The following CYP26B1 variants were observed in gnomAD, a reference collection of about 807,000 sequenced individuals.
CYP26B1 encodes cytochrome P450 family 26 subfamily B member 1, also known as cytochrome P450 26B1.
A neutral mutation model predicts 39.1 loss-of-function variants in CYP26B1; 8 were observed. The ratio of observed to expected loss-of-function variants is 0.20; its 90% CI spans 0.12 to 0.37. CYP26B1 has a LOEUF of 0.37. Ranked by LOEUF, CYP26B1 falls within the 10% of genes least tolerant of loss-of-function variation. The pLI, the probability that CYP26B1 is intolerant of heterozygous loss-of-function variation, is 1.00. For synonymous variants in CYP26B1, 321 were observed against 314.3 expected (o/e 1.02, Z -0.23); for missense variants, 615 against 707.0 (o/e 0.87, Z 1.48).
intron 1 of CYP26B1, among the ~76,000 whole-genome samples, chr2:72,146,724 T>A (rs115919962): frequency 0.011 from 1,722 of 152,302 alleles, 38 homozygotes; most frequent in African/African-American, 0.039. Context: ...CCGCAGTTAC[T>A]GCAGAGGCGC....
At chr2:72,139,997 C>T (rs1454066473) in intron 2 of CYP26B1, among the ~76,000 whole-genome samples, 1 of 152,244 alleles carries the variant, frequency 6.6e-6, no homozygotes, top group Non-Finnish European at 1.5e-5. Flanking sequence ...CCTGCAGCTG[C>T]TTCCTTTTAG....
rs1168777936 is a variant in CYP26B1, at chr2:72,132,632, G to A, written c.1147-13C>T. 1.9e-6 allele frequency: 3 copies of A among 1,587,980 alleles called. No individual in the cohort carries two copies. The highest frequency in any genetic ancestry group is 2.3e-5 in the East Asian group (1 of 43,904). On this transcript the variant is annotated splice_polypyrimidine_tract_variant and intron_variant, in intron 5 of 5. Coordinates refer to ENST00000001146, the MANE Select transcript of CYP26B1 (RefSeq NM_019885.4). ...GGATCTGGAAACCCTGGAGCAAGAT[G>A]GGGGCCGAGGAGTGGGTGGTGAGAG...
rs202200784 is a variant in CYP26B1 at position 72,132,257 on chromosome 2, C to A, written c.1509G>T (p.Glu503Asp). The A allele has an allele frequency of 6.6e-5, 106 of 1,604,198 alleles. No homozygotes were observed. The highest frequency in any genetic ancestry group is 8.6e-5 in the Non-Finnish European group (101 of 1,175,796). Residue 503 changes from glutamate (E) to aspartate (D), a missense_variant, in exon 6 of 6, where the codon GAG becomes GAT. Coordinates refer to ENST00000001146, the MANE Select transcript of CYP26B1 (RefSeq NM_019885.4). ...CTGTGGCGCTCAGCATGGCCTCCGT[C>A]TCCGGCAGGATCTCGTTCTGGTTGG... Reference protein sequence around the residue: ...LDSNQNEILPETEAMLSATV With the variant: ...LDSNQNEILPDTEAMLSATV
At chr2:72,138,468 G>T (rs555168285) in intron 2 of CYP26B1, among the ~76,000 whole-genome samples, 5 of 152,224 alleles carry the variant, frequency 3.3e-5, no homozygotes, top group Non-Finnish European at 5.9e-5. Flanking sequence ...AGAGAGGAAG[G>T]GTTCCTGGCC....
intron 2 of CYP26B1, 127 bp downstream of exon 2, chr2:72,143,862 C>T: frequency 1.7e-6 from 2 of 1,155,932 alleles, no homozygotes; most frequent in Non-Finnish European, 2.5e-6. Context: ...CGGGGAACTG[C>T]GGAGTCTTCA....
intron 2 of CYP26B1, chr2:72,143,218 C>G (rs2104090402): frequency 6.5e-6 from 1 of 153,142 alleles, no homozygotes; most frequent in African/African-American, 2.4e-5. Context: ...GCTCCGCTTT[C>G]GGGTTACTGC....
intron 5 of CYP26B1, 132 bp from the exon 6 acceptor site, chr2:72,132,751 C>G: frequency 6.8e-7 from 1 of 1,473,806 alleles, no homozygotes; most frequent in Non-Finnish European, 9.0e-7. Flanking sequence ...CCCACTGTGG[C>G]CCCCAAGGCC....
In CYP26B1 at chr2:72,134,781, TCTC is replaced by T; in HGVS notation, c.838_840del (p.Glu280del). On this transcript the variant is annotated inframe_deletion, in exon 4 of 6. Coordinates refer to ENST00000001146, the MANE Select transcript of CYP26B1 (RefSeq NM_019885.4). ...CCCACCTTCAGCTCCTGCATGGTCA[TCTC>T]CTTCCCGTGCTCCTTGCTGCTCTCA... The T allele has an allele frequency of 6.2e-7, 1 of 1,613,930 alleles. No homozygotes were observed. Among genetic ancestry groups the T allele is most frequent in the East Asian group, 2.2e-5 (1 of 44,860 alleles).
chr2:72,133,969 C>G (rs1676679032), intron 4 of CYP26B1, among the ~76,000 whole-genome samples: 1 of 152,176 alleles, frequency 6.6e-6, no homozygotes, highest in Non-Finnish European at 1.5e-5. Context: ...CATAGCACAC[C>G]CTGCATTTTA....
In CYP26B1 at chr2:72,142,766, G is replaced by T. The variant is rs545003619; in HGVS notation, c.429+1223C>A. 1.5e-4 allele frequency among the ~76,000 whole-genome samples: 23 copies of T among 152,256 alleles called. No individual in the cohort carries two copies. The South Asian group carries it at 4.8e-3, about 32-fold the overall frequency. On this transcript the variant is annotated intron_variant, in intron 2 of 5. Transcript: ENST00000001146. ...CAGAACTCCTCTCCCGCCGCCCCCA[G>T]GCTGTGGTAACTGCTTCCAGCTAGG... is the stretch of plus-strand genomic sequence containing the variant.
chr2:72,139,215 C>T (rs1383296581), intron 2 of CYP26B1, among the ~76,000 whole-genome samples: 5 of 152,132 alleles, frequency 3.3e-5, no homozygotes, highest in African/African-American at 1.2e-4. Context: ...GCAGGCCACC[C>T]GGCCAAGCCA....
Position 72,132,416 on chromosome 2 carries a change from G to T in CYP26B1, c.1350C>A (p.Phe450Leu). 6.2e-7 allele frequency: 1 copy of T among 1,612,748 alleles called. No homozygotes were observed. The highest frequency in any genetic ancestry group is 8.5e-7 in the Non-Finnish European group (1 of 1,179,222). ...CCAGCTCCACCGCCAGCACCTTCAG[G>T]AACAGCTTGGCCAGGTGCTTGCCCA... ...TCLGKHLAKLFLKVLAVELAS... is the reference protein window; with the variant it reads ...TCLGKHLAKLLLKVLAVELAS... The change falls in exon 6 of 6, where the codon TTC becomes TTA. Residue 450 changes from phenylalanine to leucine, a missense_variant. Physicochemically the swap from Phe to Leu is conservative, Grantham distance 22. Coordinates refer to ENST00000001146, the MANE Select transcript of CYP26B1 (RefSeq NM_019885.4).
chr2:72,144,127 G>C lies in CYP26B1; in HGVS notation c.291C>G (p.Thr97=), dbSNP rs1349581898. 4.3e-6 allele frequency: 7 copies of C among 1,611,286 alleles called. No individual in the cohort carries two copies. Among genetic ancestry groups the C allele is most frequent in the Admixed American group, 3.3e-5 (2 of 59,976 alleles). ...HLLGRPLIRV[T]GAENVRKILM... is the part of the protein sequence containing the mutation. ...GGATCTTGCGCACGTTCTCCGCGCC[G>C]GTCACGCGTATCAGCGGCCGCCCCA... The change falls in exon 2 of 6, where the codon ACC becomes ACG. Residue 97 remains threonine, a synonymous_variant. Transcript: ENST00000001146.
chr2:72,132,095 A>G lies in CYP26B1; in HGVS notation c.*132T>C. 1 of 1,055,748 alleles carries G rather than the reference A, an allele frequency of 9.5e-7. No homozygotes were observed. The allele number at this position is 1,055,748 out of a possible 1,614,324, so 65.4% of individuals were successfully genotyped here. A position where few individuals can be genotyped will look rare whatever the true frequency, so the allele number is the denominator to read the frequency against. On this transcript the variant is annotated 3_prime_UTR_variant, in exon 6 of 6. Transcript: ENST00000001146. ...TGGCTTTGGGTAGGGTTTGCCAGGG[A>G]GGGGGAGCAAGGGAGGGCAAGTATG...
In CYP26B1 at chr2:72,129,683, A is replaced by G. The variant is rs1676496970; in HGVS notation, c.*2544T>C. The G allele has an allele frequency of 6.6e-6, 1 of 152,570 alleles. No individual in the cohort carries two copies. Among genetic ancestry groups the G allele is most frequent in the Non-Finnish European group, 1.5e-5 (1 of 68,030 alleles). 9.5% of individuals were successfully genotyped at this position (152,570 alleles called of 1,614,324 possible). ...GGGCAGGGTCACGGTGGTGCCCAGA[A>G]CACAAACGCCAGCGCCCAACATCGA... On this transcript the variant is annotated 3_prime_UTR_variant, in exon 6 of 6. Transcript: ENST00000001146.
Position 72,135,368 on chromosome 2 carries a change from T to C in CYP26B1, c.481A>G (p.Ile161Val). 1 of 1,613,736 alleles carries C rather than the reference T, an allele frequency of 6.2e-7. No individual in the cohort carries two copies. The highest frequency in any genetic ancestry group is 1.1e-5 in the South Asian group (1 of 91,082). The change falls in exon 3 of 6, where the codon ATC (isoleucine) becomes GTC (valine). Residue 161 changes from isoleucine to valine, a missense_variant. Coordinates refer to ENST00000001146, the MANE Select transcript of CYP26B1 (RefSeq NM_019885.4). ...AGTGTGTCCTGGATCACCAGCTGGA[T>C]CTTGGGCAGGTAACTCTCCAGGGCC... ...HEALESYLPKIQLVIQDTLRA... is the reference protein window; with the variant it reads ...HEALESYLPKVQLVIQDTLRA...
At position 72,147,216 on chromosome 2, in the gene CYP26B1, C is replaced by T. The variant is rs1677145245; in HGVS notation, c.204+415G>A. On this transcript the variant is annotated intron_variant, in intron 1 of 5. Coordinates refer to ENST00000001146, the MANE Select transcript of CYP26B1 (RefSeq NM_019885.4). The surrounding 1 kb of genome is among the most constrained non-coding windows in gnomAD (Gnocchi z 6.1). ...CGACTCAATTTTCGGCTCCCAGCGA[C>T]ACAGCCAACCCCAGAAAGCCGAGGG... Among the ~76,000 whole-genome samples the T allele has an allele frequency of 6.6e-6, 1 of 152,180 alleles. No homozygotes were observed. Among genetic ancestry groups the T allele is most frequent in the Non-Finnish European group, 1.5e-5 (1 of 68,034 alleles).
At chr2:72,141,032 T>C (rs1343846595) in intron 2 of CYP26B1, among the ~76,000 whole-genome samples, 1 of 152,170 alleles carries the variant, frequency 6.6e-6, no homozygotes, top group Non-Finnish European at 1.5e-5. Context: ...TCCTGGTGGG[T>C]AGAGCTGGGC....
intron 4 of CYP26B1, among the ~76,000 whole-genome samples, chr2:72,134,488 A>T (rs984392672): frequency 9.2e-5 from 14 of 152,242 alleles, no homozygotes; most frequent in African/African-American, 3.4e-4. Flanking sequence ...TTCCAGGGAT[A>T]TTGGGACTAG....
Sources: gnomAD v4.1 joint callset for allele counts (sites outside exome capture counted in the v4.1 genomes callset) on GRCh38, gnomAD v4.1.1 for gene constraint, Gnocchi (gnomAD v3.1) non-coding constraint, MANE v1.5 for transcripts, NCBI Gene and HGNC (gene_info 2026-07-23, HGNC 2026-07-21) for gene names.